CRTC3: variants seen among roughly 807,000 people sequenced by gnomAD.
CRTC3 encodes the protein CREB regulated transcription coactivator 3.
CRTC3 carries 26 observed loss-of-function variants against 74.5 expected under a neutral mutation model. The observed-to-expected ratio is 0.35, with a 90% CI of 0.26 to 0.48. The LOEUF is 0.48. CRTC3 is among the 20% of genes least tolerant of loss of function. The pLI, the probability that CRTC3 is intolerant of heterozygous loss-of-function variation, is 0.99. For missense variants in CRTC3, 760 were observed against 787.3 expected (o/e 0.97, Z 0.41); for synonymous variants, 377 against 325.8 (o/e 1.16, Z -1.69).
intron 2 of CRTC3, among the ~76,000 whole-genome samples, chr15:90,546,245 C>T (rs1966844118): frequency 6.6e-6 from 1 of 152,092 alleles, no homozygotes; most frequent in South Asian, 2.1e-4. Flanking sequence ...GTTTGAGGCT[C>T]ACTCATTTTG....
chr15:90,642,711 A>AG lies in CRTC3; in HGVS notation c.*574dup. On this transcript the variant is annotated 3_prime_UTR_variant, in exon 15 of 15. Transcript: ENST00000268184. Reference sequence around the variant, plus strand: ...ACATGAAGTTTTTACCACAAGCCCGAGGGCAGGCTTGAGTTAGGCAGACTG... The same window carrying AG: ...ACATGAAGTTTTTACCACAAGCCCGAGGGGCAGGCTTGAGTTAGGCAGACTG... 4.3e-6 allele frequency: 1 copy of AG among 232,404 alleles called. No individual in the cohort carries two copies. Among genetic ancestry groups the AG allele is most frequent in the Non-Finnish European group, 8.5e-6 (1 of 117,440 alleles). The allele number at this position is 232,404 out of a possible 1,614,324, so 14.4% of individuals were successfully genotyped here.
At chr15:90,563,690 G>A (rs1276516398) in intron 2 of CRTC3, among the ~76,000 whole-genome samples, 2 of 152,128 alleles carry the variant, frequency 1.3e-5, no homozygotes, top group Non-Finnish European at 2.9e-5. Context: ...TTTAAGGTTA[G>A]CCAACCGAGA....
intron 2 of CRTC3, among the ~76,000 whole-genome samples, chr15:90,567,034 A>G (rs939562528): frequency 1.3e-5 from 2 of 152,110 alleles, no homozygotes; most frequent in Admixed American, 6.5e-5. Flanking sequence ...TAGATGAAAC[A>G]GTCTCTTTTG....
At chr15:90,624,286 G>A (rs1443772250) in intron 9 of CRTC3, among the ~76,000 whole-genome samples, 1 of 151,964 alleles carries the variant, frequency 6.6e-6, no homozygotes, top group Non-Finnish European at 1.5e-5. Context: ...CACTGCAGGT[G>A]GTCCTTCTAA....
At position 90,545,821 on chromosome 15, in the gene CRTC3, G is replaced by C. The variant is rs531331895; in HGVS notation, c.231+5684G>C. On this transcript the variant is annotated intron_variant, in intron 2 of 14. Transcript: ENST00000268184. ...TCTCCATCTCCTGACTTTGTGATCCGCCCGCCTTGGCCTCCCAAAGTGCTG... is the reference window on the plus strand; with the variant it reads ...TCTCCATCTCCTGACTTTGTGATCCCCCCGCCTTGGCCTCCCAAAGTGCTG... Among the ~76,000 whole-genome samples the C allele has an allele frequency of 1.9e-3, 286 of 151,948 alleles. 1 individual carries two copies. The highest frequency in any genetic ancestry group is 3.9e-3 in the East Asian group (20 of 5,176).
At chr15:90,621,797 C>T (rs1828516680) in intron 9 of CRTC3, among the ~76,000 whole-genome samples, 1 of 152,300 alleles carries the variant, frequency 6.6e-6, no homozygotes, top group South Asian at 2.1e-4. Flanking sequence ...TGCTTTCTTG[C>T]TCTTACTTTA....
chr15:90,543,674 C>A (rs775980691), intron 2 of CRTC3, among the ~76,000 whole-genome samples: 2 of 152,052 alleles, frequency 1.3e-5, no homozygotes, highest in Non-Finnish European at 2.9e-5. Flanking sequence ...GAGAAAAATT[C>A]TTGAAAAACT....
intron 2 of CRTC3, among the ~76,000 whole-genome samples, chr15:90,575,607 TCATAAA>T (rs1967386096): frequency 6.6e-6 from 1 of 152,246 alleles, no homozygotes. Flanking sequence ...GCTACTTCCA[TCATAAA>T]CTAAATTCTC....
In CRTC3 at chr15:90,546,999, G is replaced by A. The variant is rs372511827; in HGVS notation, c.231+6862G>A. On this transcript the variant is annotated intron_variant, in intron 2 of 14. Coordinates refer to ENST00000268184, the MANE Select transcript of CRTC3 (RefSeq NM_022769.5). ...GGGATAATTGACATCTTTATAATAT[G>A]GAGTCTTCCACGAAGAAGACTTCCA... Among the ~76,000 whole-genome samples the A allele has an allele frequency of 2.6e-5, 4 of 152,094 alleles. No homozygotes were observed. In the South Asian group the frequency reaches 6.2e-4, roughly 24 times the overall value.
intron 3 of CRTC3, chr15:90,598,396 C>T: frequency 1.4e-6 from 1 of 702,742 alleles, no homozygotes; most frequent in Non-Finnish European, 2.6e-6. Flanking sequence ...AGAAGAAGAG[C>T]TGCTCCCCTT....
At chr15:90,632,429 A>T (rs867138232) in intron 11 of CRTC3, among the ~76,000 whole-genome samples, 1 of 152,112 alleles carries the variant, frequency 6.6e-6, no homozygotes, top group Admixed American at 6.6e-5. Context: ...CACCCTATCT[A>T]TCTCTTAAAA....
chr15:90,604,092 C>T (rs770856415), intron 4 of CRTC3: 2 of 256,292 alleles, frequency 7.8e-6, no homozygotes, highest in South Asian at 9.7e-5. Flanking sequence ...ATTGCCACGG[C>T]GCCCCCTACA....
At chr15:90,619,628 C>A in intron 8 of CRTC3, 113 bp from the exon 9 acceptor site, 1 of 819,728 alleles carries the variant, frequency 1.2e-6, no homozygotes, top group Non-Finnish European at 2.1e-6. Flanking sequence ...TCTGTCGACA[C>A]GCAAGCTCTC....
At chr15:90,583,407 C>T (rs1423965412) in intron 2 of CRTC3, among the ~76,000 whole-genome samples, 2 of 152,106 alleles carry the variant, frequency 1.3e-5, no homozygotes, top group Admixed American at 1.3e-4. Context: ...GGTGCTGGTG[C>T]CTTCTCTGGT....
chr15:90,543,086 C>T (rs1299238611), intron 2 of CRTC3, among the ~76,000 whole-genome samples: 1 of 145,640 alleles, frequency 6.9e-6, no homozygotes, highest in East Asian at 2.0e-4. Context: ...CGCTTGAGCT[C>T]AGGAGTTTGA....
At position 90,629,436 on chromosome 15, in the gene CRTC3, C is replaced by T; in HGVS notation, c.1170C>T (p.Val390=). ...CGTCTCGGCGTCGGCAGCCTCCCGTCAGCCCTCTCACGCTTTCTCCTGGCC... is the reference window on the plus strand; with the variant it reads ...CGTCTCGGCGTCGGCAGCCTCCCGTTAGCCCTCTCACGCTTTCTCCTGGCC... ...SGPSRRRQPP[V]SPLTLSPGPE... The change falls in exon 11 of 15, where the codon GTC becomes GTT. Residue 390 remains valine (V), a synonymous_variant. Transcript: ENST00000268184. The T allele has an allele frequency of 1.2e-6, 2 of 1,614,164 alleles. No individual in the cohort carries two copies. The highest frequency in any genetic ancestry group is 8.5e-7 in the Non-Finnish European group (1 of 1,180,028).
intron 2 of CRTC3, among the ~76,000 whole-genome samples, chr15:90,559,941 C>G (rs1343386510): frequency 6.6e-6 from 1 of 152,224 alleles, no homozygotes; most frequent in African/African-American, 2.4e-5. Flanking sequence ...CCATGTCTGG[C>G]CTTTTTCATG....
chr15:90,555,800 G>A (rs1284549370), intron 2 of CRTC3, among the ~76,000 whole-genome samples: 1 of 152,212 alleles, frequency 6.6e-6, no homozygotes, highest in Non-Finnish European at 1.5e-5. Context: ...TTTCAGGTGT[G>A]AGCCACCATG....
At chr15:90,577,946 G>C (rs1967445015) in intron 2 of CRTC3, among the ~76,000 whole-genome samples, 1 of 152,180 alleles carries the variant, frequency 6.6e-6, no homozygotes, top group African/African-American at 2.4e-5. Flanking sequence ...GTCTCGCTCT[G>C]CTGCCCAGAC....
Sources: allele counts gnomAD v4.1 joint callset (sites outside exome capture counted in the v4.1 genomes callset), GRCh38; gene constraint gnomAD v4.1.1; transcripts MANE v1.5; gene names NCBI Gene and HGNC (gene_info 2026-07-23, HGNC 2026-07-21).